The following FSTL5 variants were observed in gnomAD, a reference collection of about 807,000 sequenced individuals.
FSTL5 encodes follistatin like 5, also known as follistatin-related protein 5.
In FSTL5, 62 loss-of-function variants were observed where a neutral mutation model predicts 89.1. The ratio of observed to expected loss-of-function variants is 0.70; its 90% CI spans 0.57 to 0.86. The LOEUF (loss-of-function observed/expected upper bound fraction) is 0.86. FSTL5 is among the 40% of genes least tolerant of loss of function. FSTL5 has a pLI of 0.00. For synonymous variants in FSTL5, 383 were observed against 346.2 expected (o/e 1.11, Z -1.18); for missense variants, 1,057 against 1,001.6 (o/e 1.06, Z -0.75).
intron 4 of FSTL5, among the ~76,000 whole-genome samples, chr4:161,909,786 T>C (rs766330286): frequency 1.3e-5 from 2 of 152,094 alleles, no homozygotes; most frequent in African/African-American, 4.8e-5. Context: ...TCATCCTCTC[T>C]ACCACATCCA....
chr4:161,673,513 T>C (rs1437484029), intron 6 of FSTL5, among the ~76,000 whole-genome samples: 1 of 152,008 alleles, frequency 6.6e-6, no homozygotes, highest in Non-Finnish European at 1.5e-5. Context: ...GTAACAAAAA[T>C]CTAAACTAAT....
chr4:161,962,355 C>T (rs994647552), intron 3 of FSTL5, among the ~76,000 whole-genome samples: 2 of 151,804 alleles, frequency 1.3e-5, no homozygotes, highest in South Asian at 2.1e-4. Context: ...TATTTTGATA[C>T]GAATTGGAAA....
chr4:161,872,735 T>C (rs1429327511), intron 4 of FSTL5, among the ~76,000 whole-genome samples: 1 of 152,142 alleles, frequency 6.6e-6, no homozygotes, highest in African/African-American at 2.4e-5. Flanking sequence ...ACAGAAAGAA[T>C]ATACAGATGT....
At chr4:161,922,668 A>C (rs1283590150) in intron 3 of FSTL5, among the ~76,000 whole-genome samples, 4 of 151,940 alleles carry the variant, frequency 2.6e-5, no homozygotes, top group African/African-American at 9.7e-5. Context: ...TGAAATCCTA[A>C]CTTATAATTA....
chr4:161,525,302 G>A (rs1289623656), intron 10 of FSTL5, among the ~76,000 whole-genome samples: 1 of 152,120 alleles, frequency 6.6e-6, no homozygotes, highest in East Asian at 1.9e-4. Context: ...CTTAAAAGGT[G>A]AAAGCATGAA....
intron 15 of FSTL5, among the ~76,000 whole-genome samples, chr4:161,422,034 T>C (rs763894847): frequency 1.3e-5 from 2 of 152,122 alleles, no homozygotes; most frequent in Non-Finnish European, 2.9e-5. Context: ...ATATGTGCTA[T>C]GTATATTATA....
At chr4:161,690,581 T>C (rs1212485528) in intron 6 of FSTL5, among the ~76,000 whole-genome samples, 1 of 152,174 alleles carries the variant, frequency 6.6e-6, no homozygotes, top group Non-Finnish European at 1.5e-5. Context: ...ATCAGACATA[T>C]GATTTGTAAA....
chr4:161,562,058 A>C lies in FSTL5; in HGVS notation c.1016-19365T>G, dbSNP rs189444028. Among the ~76,000 whole-genome samples the C allele has an allele frequency of 2.9e-3, 441 of 152,134 alleles. 1 individual carries two copies. The highest frequency in any genetic ancestry group is 0.01 in the African/African-American group (430 of 41,542). ...CACCTTACTGAGAGTGGAGGCGATG[A>C]GAATGGACATGGGTACTAAGCCAAT... On this transcript the variant is annotated intron_variant, in intron 8 of 15. Transcript: ENST00000306100.
chr4:161,669,118 A>ATAAAAT (rs1430433788), intron 6 of FSTL5, among the ~76,000 whole-genome samples: 17 of 147,344 alleles, frequency 1.2e-4, no homozygotes, highest in African/African-American at 4.1e-4. Context: ...TCTCAAAAAA[A>ATAAAAT]AAAAAAAAAT....
chr4:161,935,756 A>T lies in FSTL5; in HGVS notation c.161-15104T>A, dbSNP rs560708255. Among the ~76,000 whole-genome samples, 7 of 152,248 alleles carry T rather than the reference A, an allele frequency of 4.6e-5. No individual in the cohort carries two copies. The South Asian group carries it at 1.4e-3, about 32-fold the overall frequency. ...CTTGTATCCATTCTGCCCAATTAAC[A>T]GATTTTCTTCCTTGACCTCTCTACG... On this transcript the variant is annotated intron_variant, in intron 3 of 15. Coordinates refer to ENST00000306100, the MANE Select transcript of FSTL5 (RefSeq NM_020116.5).
At chr4:161,717,138 C>T (rs1739016553) in intron 6 of FSTL5, among the ~76,000 whole-genome samples, 1 of 152,162 alleles carries the variant, frequency 6.6e-6, no homozygotes, top group Non-Finnish European at 1.5e-5. Context: ...AATGTACTGA[C>T]ATGACAAGAC....
intron 3 of FSTL5, among the ~76,000 whole-genome samples, chr4:161,967,055 A>T (rs1735348025): frequency 6.6e-6 from 1 of 151,900 alleles, no homozygotes; most frequent in Non-Finnish European, 1.5e-5. Context: ...TTAACTAATT[A>T]AATGATATGG....
intron 6 of FSTL5, among the ~76,000 whole-genome samples, chr4:161,720,053 G>A (rs899492339): frequency 1.3e-5 from 2 of 152,004 alleles, no homozygotes; most frequent in Admixed American, 6.6e-5. Context: ...TAGACAAGTG[G>A]AATTGCATAA....
chr4:161,904,578 C>T (rs910854419), intron 4 of FSTL5, among the ~76,000 whole-genome samples: 1 of 151,542 alleles, frequency 6.6e-6, no homozygotes, highest in African/African-American at 2.4e-5. Flanking sequence ...TTTTTTAAGA[C>T]ATATTCAGCA....
At chr4:162,134,722 T>C (rs1446710765) in intron 1 of FSTL5, among the ~76,000 whole-genome samples, 2 of 152,224 alleles carry the variant, frequency 1.3e-5, no homozygotes, top group African/African-American at 4.8e-5. Flanking sequence ...GTTGTTTTAA[T>C]AGAATGGAAT....
At chr4:162,099,891 G>A (rs1730920174) in intron 2 of FSTL5, among the ~76,000 whole-genome samples, 2 of 152,146 alleles carry the variant, frequency 1.3e-5, no homozygotes, top group Admixed American at 6.5e-5. Context: ...TATTTGGACA[G>A]CCAGAATGCA....
intron 2 of FSTL5, among the ~76,000 whole-genome samples, chr4:162,095,570 C>T (rs886685930): frequency 2.0e-5 from 3 of 151,888 alleles, no homozygotes; most frequent in Admixed American, 1.3e-4. Flanking sequence ...TCTTGAGGAA[C>T]GGTTTTTCAA....
intron 4 of FSTL5, among the ~76,000 whole-genome samples, chr4:161,835,984 G>T (rs1461296071): frequency 6.6e-6 from 1 of 151,988 alleles, no homozygotes; most frequent in Non-Finnish European, 1.5e-5. Context: ...AAATCATGCT[G>T]CTATAAAGAC....
chr4:161,419,117 A>G (rs956896574), intron 15 of FSTL5, among the ~76,000 whole-genome samples: 2 of 152,160 alleles, frequency 1.3e-5, no homozygotes, highest in African/African-American at 4.8e-5. Context: ...AACCTATAAT[A>G]CACACATACT....
Sources: allele counts gnomAD v4.1 joint callset (sites outside exome capture counted in the v4.1 genomes callset), GRCh38; gene constraint gnomAD v4.1.1; transcripts MANE v1.5; gene names NCBI Gene and HGNC (gene_info 2026-07-23, HGNC 2026-07-21).